Variants in PPARGC1B observed in about 807,000 individuals in gnomAD.
PPARGC1B encodes the protein PPARG coactivator 1 beta.
Under a neutral mutation model 101.6 loss-of-function variants are expected in PPARGC1B, and 34 were observed. The observed-to-expected ratio is 0.33, with a 90% CI of 0.25 to 0.45. The LOEUF (loss-of-function observed/expected upper bound fraction) is 0.45. PPARGC1B is among the 20% of genes least tolerant of loss of function. The pLI is 1.00. For missense variants in PPARGC1B, 1,234 were observed against 1,317.6 expected, an observed-to-expected ratio of 0.94 and a Z score of 0.98; for synonymous variants, 548 against 539.3, an observed-to-expected ratio of 1.02 and a Z score of -0.22.
intron 1 of PPARGC1B, among the ~76,000 whole-genome samples, chr5:149,807,318 C>T (rs569662275): frequency 2.0e-5 from 3 of 152,008 alleles, no homozygotes; most frequent in Non-Finnish European, 4.4e-5. Context: ...GGATGGCTGG[C>T]ATGTCCCTAG....
intron 1 of PPARGC1B, among the ~76,000 whole-genome samples, chr5:149,758,104 A>G (rs958485275): frequency 3.3e-5 from 5 of 152,220 alleles, no homozygotes; most frequent in African/African-American, 1.2e-4. Flanking sequence ...GGTTAGCACC[A>G]GCTGGAACTG....
chr5:149,735,950 C>T (rs1465801565), intron 1 of PPARGC1B, among the ~76,000 whole-genome samples: 1 of 152,148 alleles, frequency 6.6e-6, no homozygotes. Context: ...GTGGTGAAAC[C>T]CCGTCTCTAC....
At chr5:149,765,418 G>A (rs887321804) in intron 1 of PPARGC1B, among the ~76,000 whole-genome samples, 8 of 152,200 alleles carry the variant, frequency 5.3e-5, no homozygotes, top group Admixed American at 5.2e-4. Flanking sequence ...GTCCAAAGAT[G>A]TGAGACTGGG....
At chr5:149,733,553 G>C (rs2113058160) in intron 1 of PPARGC1B, among the ~76,000 whole-genome samples, 1 of 152,322 alleles carries the variant, frequency 6.6e-6, no homozygotes, top group South Asian at 2.1e-4. Flanking sequence ...TTATCATTGT[G>C]CCTGCAAGGC....
chr5:149,736,218 G>A (rs561698384), intron 1 of PPARGC1B, among the ~76,000 whole-genome samples: 1 of 152,280 alleles, frequency 6.6e-6, no homozygotes, highest in South Asian at 2.1e-4. Context: ...TTGAAATGGG[G>A]ATAATAGGCC....
At chr5:149,835,273 TC>T in intron 6 of PPARGC1B, 27 bp from the exon 7 acceptor site, 1 of 1,612,718 alleles carries the variant, frequency 6.2e-7, no homozygotes, top group Non-Finnish European at 8.5e-7. Flanking sequence ...CTTGCTTCTT[TC>T]CTTTCTGTCC....
chr5:149,813,161 AAG>A (rs1267474086), intron 1 of PPARGC1B, among the ~76,000 whole-genome samples: 13 of 152,126 alleles, frequency 8.5e-5, no homozygotes, highest in African/African-American at 3.1e-4. Context: ...TCGCCATGGA[AAG>A]AGGGAACAGT....
At chr5:149,817,624 C>G (rs190389415) in intron 1 of PPARGC1B, 2 of 418,160 alleles carry the variant, frequency 4.8e-6, no homozygotes, top group African/African-American at 2.0e-5. Flanking sequence ...TGTCAACTCA[C>G]GGAGGAAGGA....
chr5:149,805,906 C>T (rs1280273284), intron 1 of PPARGC1B, among the ~76,000 whole-genome samples: 1 of 152,246 alleles, frequency 6.6e-6, no homozygotes, highest in Non-Finnish European at 1.5e-5. Flanking sequence ...GGGGGTTCCC[C>T]AGGGAGCCCA....
intron 1 of PPARGC1B, among the ~76,000 whole-genome samples, chr5:149,806,400 C>T (rs1248838932): frequency 6.6e-6 from 1 of 152,158 alleles, no homozygotes; most frequent in Non-Finnish European, 1.5e-5. Flanking sequence ...TGCCAGGACC[C>T]CCTTTCTACC....
At chr5:149,824,454 ACT>A (rs1355237697) in intron 2 of PPARGC1B, among the ~76,000 whole-genome samples, 2 of 151,960 alleles carry the variant, frequency 1.3e-5, no homozygotes, top group Non-Finnish European at 2.9e-5. Flanking sequence ...TCTACAAAGC[ACT>A]CTCATTACTG....
intron 2 of PPARGC1B, among the ~76,000 whole-genome samples, chr5:149,823,387 C>A (rs776994009): frequency 3.3e-5 from 5 of 152,112 alleles, no homozygotes; most frequent in Non-Finnish European, 5.9e-5. Context: ...TAGTAGCGAT[C>A]TCTGATATTC....
In PPARGC1B at chr5:149,852,690, G is replaced by A. The variant is rs1160995122; in HGVS notation, c.*5132G>A. The A allele has an allele frequency of 6.7e-6, 1 of 149,518 alleles. No individual in the cohort carries two copies. The highest frequency in any genetic ancestry group is 1.9e-4 in the East Asian group (1 of 5,148). The allele number at this position is 149,518 out of a possible 1,614,324, so 9.3% of individuals were successfully genotyped here. A position where few individuals can be genotyped will look rare whatever the true frequency, so the allele number is the denominator to read the frequency against. On this transcript the variant is annotated 3_prime_UTR_variant, in exon 12 of 12. Coordinates refer to ENST00000309241, the MANE Select transcript of PPARGC1B (RefSeq NM_133263.4). ...TTTGGCTGTTTCTCTCTTGTTCTCAGACAATACTAGCAATACACTTTTTTT... is the reference window on the plus strand; with the variant it reads ...TTTGGCTGTTTCTCTCTTGTTCTCAAACAATACTAGCAATACACTTTTTTT...
intron 3 of PPARGC1B, among the ~76,000 whole-genome samples, chr5:149,829,748 G>A (rs1010517831): frequency 4.6e-5 from 7 of 151,392 alleles, no homozygotes; most frequent in Non-Finnish European, 1.5e-5. Context: ...AAAAACAACA[G>A]GGTAGGGCCA....
intron 1 of PPARGC1B, among the ~76,000 whole-genome samples, chr5:149,736,304 T>A (rs1275789871): frequency 6.6e-6 from 1 of 152,034 alleles, no homozygotes; most frequent in East Asian, 1.9e-4. Flanking sequence ...TTGGAATAAT[T>A]CTCTCTTTGA....
At chr5:149,792,086 G>C (rs1162942685) in intron 1 of PPARGC1B, among the ~76,000 whole-genome samples, 2 of 152,160 alleles carry the variant, frequency 1.3e-5, no homozygotes. Flanking sequence ...AGTGGCCTGG[G>C]AGGGAAGGTG....
chr5:149,730,491 G>T lies in PPARGC1B; in HGVS notation c.78+71G>T. ...TGCGGGGGCCGCAGCTGCAGCCGCGGAGGCCGGGAGGCAGCGGTGGGAGCC... is the reference window on the plus strand; with the variant it reads ...TGCGGGGGCCGCAGCTGCAGCCGCGTAGGCCGGGAGGCAGCGGTGGGAGCC... On this transcript the variant is annotated intron_variant, in intron 1 of 11. Coordinates refer to ENST00000309241, the MANE Select transcript of PPARGC1B (RefSeq NM_133263.4). The surrounding 1 kb of genome is among the most constrained non-coding windows in gnomAD (Gnocchi z 4.0). 1 of 1,272,820 alleles carries T rather than the reference G, an allele frequency of 7.9e-7. No homozygotes were observed. The highest frequency in any genetic ancestry group is 1.1e-6 in the Non-Finnish European group (1 of 940,194). The allele number at this position is 1,272,820 out of a possible 1,614,324, so 78.8% of individuals were successfully genotyped here. A position where few individuals can be genotyped will look rare whatever the true frequency, so the allele number is the denominator to read the frequency against.
At chr5:149,761,881 C>T (rs542324478) in intron 1 of PPARGC1B, among the ~76,000 whole-genome samples, 158 of 152,200 alleles carry the variant, frequency 1.0e-3, no homozygotes, top group Middle Eastern at 0.01. Context: ...ACAGTAGTGC[C>T]AACCTGATTG....
chr5:149,785,259 G>T (rs1274161952), intron 1 of PPARGC1B, among the ~76,000 whole-genome samples: 10 of 148,962 alleles, frequency 6.7e-5, no homozygotes, highest in Admixed American at 1.3e-4. Flanking sequence ...GGTTGTAAAG[G>T]TGGGATAGGA....
Sources: gnomAD v4.1 joint callset for allele counts (sites outside exome capture counted in the v4.1 genomes callset) on GRCh38, gnomAD v4.1.1 for gene constraint, Gnocchi (gnomAD v3.1) non-coding constraint, MANE v1.5 for transcripts, NCBI Gene and HGNC (gene_info 2026-07-23, HGNC 2026-07-21) for gene names.